Variants in DDHD1 observed in about 807,000 individuals in gnomAD.
DDHD1 encodes the protein DDHD domain containing 1.
Under a neutral mutation model 96.4 loss-of-function variants are expected in DDHD1, and 49 were observed. That is an observed-to-expected ratio of 0.51 (90% CI 0.40 to 0.64). The LOEUF (loss-of-function observed/expected upper bound fraction) is 0.64. Among genes scored for constraint, DDHD1 ranks in the 30% least tolerant of loss-of-function variants. The pLI, the probability that DDHD1 is intolerant of heterozygous loss-of-function variation, is 0.00. For missense variants in DDHD1, 1,106 were observed against 1,161.2 expected (o/e 0.95, Z 0.69); for synonymous variants, 442 against 446.5 (o/e 0.99, Z 0.13).
Position 53,037,719 on chromosome 14 carries a change from CAG to C in DDHD1, c.*9047_*9048del, listed in dbSNP as rs1881364477. 6.6e-6 allele frequency: 1 copy of C among 152,066 alleles called. No individual in the cohort carries two copies. The highest frequency in any genetic ancestry group is 2.4e-5 in the African/African-American group (1 of 41,416). The allele number at this position is 152,066 out of a possible 1,614,324, so 9.4% of individuals were successfully genotyped here. On this transcript the variant is annotated 3_prime_UTR_variant, in exon 13 of 13. Transcript: ENST00000673822. ...TCTGTTGATAGTGTCTTTTGCTGTG[CAG>C]AGTGCTTTAATTAGGTCCCCACTTG...
intron 2 of DDHD1, among the ~76,000 whole-genome samples, chr14:53,101,259 AT>A (rs1887272815): frequency 6.6e-6 from 1 of 152,114 alleles, no homozygotes; most frequent in African/African-American, 2.4e-5. Flanking sequence ...TGGATAGCAA[AT>A]GTTCTTTCCT....
At chr14:53,095,601 A>G (rs1397626524) in intron 2 of DDHD1, among the ~76,000 whole-genome samples, 1 of 152,204 alleles carries the variant, frequency 6.6e-6, no homozygotes, top group African/African-American at 2.4e-5. Context: ...TTCAATTAAC[A>G]TAATAAACAT....
At chr14:53,138,391 T>C (rs1431093549) in intron 1 of DDHD1, among the ~76,000 whole-genome samples, 1 of 152,198 alleles carries the variant, frequency 6.6e-6, no homozygotes, top group African/African-American at 2.4e-5. Context: ...ATTGTGCCAC[T>C]GCACTCCAGC....
chr14:53,087,249 C>G (rs1886058186), intron 4 of DDHD1, among the ~76,000 whole-genome samples: 1 of 152,022 alleles, frequency 6.6e-6, no homozygotes, highest in South Asian at 2.1e-4. Flanking sequence ...TTAGACGGAT[C>G]AACGAGATAG....
intron 11 of DDHD1, 113 bp from the exon 12 acceptor site, chr14:53,052,040 C>G: frequency 1.4e-6 from 1 of 735,090 alleles, no homozygotes; most frequent in Admixed American, 2.4e-5. Flanking sequence ...CTGACTAAAT[C>G]TAGCATACAT....
At chr14:53,102,879 G>GA (rs368392984) in intron 2 of DDHD1, among the ~76,000 whole-genome samples, 23 of 151,478 alleles carry the variant, frequency 1.5e-4, no homozygotes, top group Admixed American at 3.9e-4. Flanking sequence ...GAGGGGAAGG[G>GA]AAAAAATCAA....
At chr14:53,139,815 GA>G (rs1177960932) in intron 1 of DDHD1, among the ~76,000 whole-genome samples, 2 of 132,900 alleles carry the variant, frequency 1.5e-5, no homozygotes, top group African/African-American at 5.8e-5. Context: ...AAGAAGATGG[GA>G]AAAACCAACA....
At chr14:53,151,996 G>A (rs749021937) in intron 1 of DDHD1, among the ~76,000 whole-genome samples, 1 of 152,174 alleles carries the variant, frequency 6.6e-6, no homozygotes, top group Non-Finnish European at 1.5e-5. Context: ...ATCACTTCCA[G>A]GGGATGGCAG....
intron 1 of DDHD1, among the ~76,000 whole-genome samples, chr14:53,130,109 G>A (rs1036976752): frequency 2.0e-5 from 3 of 151,596 alleles, no homozygotes; most frequent in Admixed American, 6.6e-5. Context: ...GCTGCTCCTC[G>A]CCAGGCTGAG....
Position 53,045,969 on chromosome 14 carries a change from T to A in DDHD1, c.*799A>T, listed in dbSNP as rs1325485751. ...GTCAAGTTTAGAGAAACTTTAGCTT[T>A]CTCTGAAGTACATGTAACATAATAA... On this transcript the variant is annotated 3_prime_UTR_variant, in exon 13 of 13. Coordinates refer to ENST00000673822, the MANE Select transcript of DDHD1 (RefSeq NM_001160148.2). 6.6e-6 allele frequency: 1 copy of A among 152,192 alleles called. No homozygotes were observed. The highest frequency in any genetic ancestry group is 2.4e-5 in the African/African-American group (1 of 41,436). The allele number at this position is 152,192 out of a possible 1,614,324, so 9.4% of individuals were successfully genotyped here.
At chr14:53,131,712 C>A (rs1889879951) in intron 1 of DDHD1, among the ~76,000 whole-genome samples, 1 of 152,110 alleles carries the variant, frequency 6.6e-6, no homozygotes, top group African/African-American at 2.4e-5. Flanking sequence ...GATTTACTTT[C>A]TTTCCATCCA....
rs535409963 is a variant in DDHD1, at chr14:53,093,097, T to C, written c.1141+219A>G. The C allele has an allele frequency of 9.8e-5, 30 of 305,272 alleles. No homozygotes were observed. In the Admixed American group the frequency reaches 1.0e-3, roughly 10 times the overall value. 18.9% of individuals were successfully genotyped at this position (305,272 alleles called of 1,614,324 possible). On this transcript the variant is annotated intron_variant, in intron 3 of 12. Coordinates refer to ENST00000673822, the MANE Select transcript of DDHD1 (RefSeq NM_001160148.2). Reference sequence around the variant, plus strand: ...CTTTTAGAAGTATAAAAGATATTTATTAATTTTGTCAAATCATTCTAAATA... The same window carrying C: ...CTTTTAGAAGTATAAAAGATATTTACTAATTTTGTCAAATCATTCTAAATA...
chr14:53,119,106 C>A (rs1026590315), intron 1 of DDHD1, among the ~76,000 whole-genome samples: 1 of 152,130 alleles, frequency 6.6e-6, no homozygotes, highest in Non-Finnish European at 1.5e-5. Context: ...TACAGACAAG[C>A]AAATGCTGAG....
At chr14:53,130,541 A>G (rs972530361) in intron 1 of DDHD1, among the ~76,000 whole-genome samples, 1 of 152,208 alleles carries the variant, frequency 6.6e-6, no homozygotes, top group African/African-American at 2.4e-5. Flanking sequence ...ATAATAGAGA[A>G]GAGTTGCAAT....
chr14:53,143,679 T>A (rs1454200553), intron 1 of DDHD1, among the ~76,000 whole-genome samples: 1 of 152,130 alleles, frequency 6.6e-6, no homozygotes, highest in Non-Finnish European at 1.5e-5. Context: ...AAAAACACCT[T>A]CAAATAAGGA....
At chr14:53,138,953 A>G (rs1481734555) in intron 1 of DDHD1, among the ~76,000 whole-genome samples, 3 of 152,008 alleles carry the variant, frequency 2.0e-5, no homozygotes, top group Non-Finnish European at 4.4e-5. Flanking sequence ...GTCTGCCTGG[A>G]TCCTTACAAG....
chr14:53,152,468 C>G lies in DDHD1; in HGVS notation c.631G>C (p.Asp211His), dbSNP rs753222423. 6.2e-7 allele frequency: 1 copy of G among 1,613,076 alleles called. No homozygotes were observed. The highest frequency in any genetic ancestry group is 8.5e-7 in the Non-Finnish European group (1 of 1,179,732). ...TGARPQGGDR[D>H]GDHVCSPTGP... ...GTGGGGGAGCACACATGGTCGCCGT[C>G]CCGGTCCCCGCCCTGGGGCCGGGCA... is the stretch of plus-strand genomic sequence containing the variant. Residue 211 changes from aspartate to histidine, a missense_variant, in exon 1 of 13, where the codon GAC becomes CAC. By Grantham distance (81) the Asp-to-His change is moderately conservative (BLOSUM62 -1). Coordinates refer to ENST00000673822, the MANE Select transcript of DDHD1 (RefSeq NM_001160148.2).
chr14:53,112,575 T>A (rs962028675), intron 1 of DDHD1, among the ~76,000 whole-genome samples: 1 of 152,270 alleles, frequency 6.6e-6, no homozygotes, highest in Non-Finnish European at 1.5e-5. Context: ...TCCATGCCTA[T>A]GATATTCAAC....
At chr14:53,084,627 T>C (rs1173556239) in intron 4 of DDHD1, among the ~76,000 whole-genome samples, 3 of 152,244 alleles carry the variant, frequency 2.0e-5, no homozygotes, top group African/African-American at 7.2e-5. Context: ...ACAAGGTTTT[T>C]TCTTTAAAAA....
Sources: allele counts gnomAD v4.1 joint callset (sites outside exome capture counted in the v4.1 genomes callset), GRCh38; gene constraint gnomAD v4.1.1; transcripts MANE v1.5; gene names NCBI Gene and HGNC (gene_info 2026-07-23, HGNC 2026-07-21).